Variants in CBFA2T3 observed in about 807,000 individuals in gnomAD.
The protein encoded by CBFA2T3 is transcriptional corepressor CBFA2T3.
In CBFA2T3, 31 loss-of-function variants were observed where a neutral mutation model predicts 58.6. The observed-to-expected ratio is 0.53, with a 90% confidence interval of 0.40 to 0.71. The LOEUF (loss-of-function observed/expected upper bound fraction) is 0.71. Ranked by LOEUF, CBFA2T3 falls within the 30% of genes least tolerant of loss-of-function variation. The pLI, the probability that CBFA2T3 is intolerant of heterozygous loss-of-function variation, is 0.00. For missense variants in CBFA2T3, 1,076 were observed against 963.1 expected (o/e 1.12, Z -1.55); for synonymous variants, 531 against 421.9 (o/e 1.26, Z -3.17).
intron 1 of CBFA2T3, among the ~76,000 whole-genome samples, chr16:88,904,826 C>T (rs1970241295): frequency 6.6e-6 from 1 of 152,212 alleles, no homozygotes; most frequent in African/African-American, 2.4e-5. Flanking sequence ...GCCTCTTCCC[C>T]TCTCTGAGCC....
At chr16:88,935,550 G>T (rs933964511) in intron 1 of CBFA2T3, among the ~76,000 whole-genome samples, 3 of 152,216 alleles carry the variant, frequency 2.0e-5, no homozygotes, top group African/African-American at 4.8e-5. Context: ...GGGGCCCAGG[G>T]CTTGGCCCCA....
intron 1 of CBFA2T3, among the ~76,000 whole-genome samples, chr16:88,918,968 G>A (rs372668604): frequency 1.3e-4 from 20 of 152,348 alleles, no homozygotes; most frequent in East Asian, 7.7e-4. Flanking sequence ...AAAGACCTGT[G>A]CTGACATTCT....
In CBFA2T3 at chr16:88,977,160, C is replaced by T. The variant is rs1340301845; in HGVS notation, c.-353G>A. 3.4e-6 allele frequency: 1 copy of T among 297,546 alleles called. No individual in the cohort carries two copies. Among genetic ancestry groups the T allele is most frequent in the Non-Finnish European group, 6.4e-6 (1 of 156,878 alleles). 18.4% of individuals were successfully genotyped at this position (297,546 alleles called of 1,614,324 possible). A position where few individuals can be genotyped will look rare whatever the true frequency, so the allele number is the denominator to read the frequency against. ...CGCCCGCCACTTCCCTGACAGGAAC[C>T]ATCTGGGGCCCTGCCCTGCGCGGCC... is the stretch of plus-strand genomic sequence containing the variant. On this transcript the variant is annotated 5_prime_UTR_variant, in exon 1 of 12. The change abolishes an upstream ATG in the 5' untranslated region. Coordinates refer to ENST00000268679, the MANE Select transcript of CBFA2T3 (RefSeq NM_005187.6).
chr16:88,925,015 C>G (rs909235189), intron 1 of CBFA2T3, among the ~76,000 whole-genome samples: 1 of 152,254 alleles, frequency 6.6e-6, no homozygotes, highest in Non-Finnish European at 1.5e-5. Context: ...AAGCCCAGGG[C>G]TTGCTGTGTC....
At chr16:88,932,320 C>T (rs925158264) in intron 1 of CBFA2T3, among the ~76,000 whole-genome samples, 2 of 151,574 alleles carry the variant, frequency 1.3e-5, no homozygotes, top group African/African-American at 4.9e-5. Context: ...GCCGCCCTGG[C>T]GCTGGACTCA....
Position 88,977,004 on chromosome 16 carries a change from T to G in CBFA2T3, c.-197A>C. 1 of 527,450 alleles carries G rather than the reference T, an allele frequency of 1.9e-6. No homozygotes were observed. The allele number at this position is 527,450 out of a possible 1,614,324, so 32.7% of individuals were successfully genotyped here. The stretch of plus-strand genomic sequence containing the variant: ...GGTGTCCTCTGCCCTGGGGAGGGGG[T>G]GGGAGCCCTGGGGCTCATGTGACGC... On this transcript the variant is annotated 5_prime_UTR_variant, in exon 1 of 12. Coordinates refer to ENST00000268679, the MANE Select transcript of CBFA2T3 (RefSeq NM_005187.6).
chr16:88,894,681 C>T (rs991499263), intron 3 of CBFA2T3, among the ~76,000 whole-genome samples: 1 of 152,244 alleles, frequency 6.6e-6, no homozygotes, highest in Non-Finnish European at 1.5e-5. Context: ...CCCCAAGTGC[C>T]CCTCTCCAGG....
intron 3 of CBFA2T3, among the ~76,000 whole-genome samples, chr16:88,896,903 G>A (rs1240845599): frequency 4.6e-5 from 7 of 152,242 alleles, no homozygotes; most frequent in African/African-American, 1.4e-4. Context: ...CTCCCGCGCT[G>A]CTGGGCAGTC....
At chr16:88,895,458 G>A (rs1048966982) in intron 3 of CBFA2T3, among the ~76,000 whole-genome samples, 1 of 152,224 alleles carries the variant, frequency 6.6e-6, no homozygotes, top group Non-Finnish European at 1.5e-5. Flanking sequence ...ATCCCATGCG[G>A]CAAATGGGCT....
intron 1 of CBFA2T3, among the ~76,000 whole-genome samples, chr16:88,924,896 C>T (rs1971035927): frequency 6.6e-6 from 1 of 152,244 alleles, no homozygotes; most frequent in African/African-American, 2.4e-5. Flanking sequence ...ACTGAGTGCT[C>T]TCTCCACCAA....
chr16:88,882,617 TGTGCGTGGCTGTGCGC>T, intron 8 of CBFA2T3, 43 bp downstream of exon 8: 1 of 1,060,348 alleles, frequency 9.4e-7, no homozygotes, highest in Non-Finnish European at 1.4e-6. Flanking sequence ...TGGCTGTGTG[TGTGCGTGGCTGTGCGC>T]CTGGGCATGG....
chr16:88,975,047 CA>C, intron 1 of CBFA2T3, among the ~76,000 whole-genome samples: 1 of 137,924 alleles, frequency 7.3e-6, no homozygotes, highest in Non-Finnish European at 1.6e-5. Context: ...TCCCTCCTCA[CA>C]TTGCAGCCCC....
chr16:88,933,160 T>C (rs1971374818), intron 1 of CBFA2T3, among the ~76,000 whole-genome samples: 1 of 152,228 alleles, frequency 6.6e-6, no homozygotes, highest in African/African-American at 2.4e-5. Context: ...CTTTGCCCTG[T>C]GGCCCCGGCC....
At position 88,953,127 on chromosome 16, in the gene CBFA2T3, C is replaced by T. The variant is rs974819732; in HGVS notation, c.151+23530G>A. On this transcript the variant is annotated intron_variant, in intron 1 of 11. Coordinates refer to ENST00000268679, the MANE Select transcript of CBFA2T3 (RefSeq NM_005187.6). The surrounding 1 kb of genome is among the most constrained non-coding windows in gnomAD (Gnocchi z 4.9). ...TTAGATCGGCCCCCAGTCCTGCTGG[C>T]CCCAGCGATGACAGAGGAGGAGGAA... Among the ~76,000 whole-genome samples the T allele has an allele frequency of 3.9e-5, 6 of 152,308 alleles. No homozygotes were observed. Among genetic ancestry groups the T allele is most frequent in the African/African-American group, 1.2e-4 (5 of 41,554 alleles).
chr16:88,907,469 G>A (rs80199449), intron 1 of CBFA2T3, among the ~76,000 whole-genome samples: 2,024 of 152,344 alleles, frequency 0.013, 45 homozygotes, highest in African/African-American at 0.047. Flanking sequence ...GGGCTCTGAC[G>A]CCCGGAGGGG....
chr16:88,901,652 T>C lies in CBFA2T3; in HGVS notation c.156A>G (p.Pro52=). The C allele has an allele frequency of 6.5e-7, 1 of 1,528,122 alleles. No individual in the cohort carries two copies. Among genetic ancestry groups the C allele is most frequent in the Non-Finnish European group, 8.7e-7 (1 of 1,149,602 alleles). The allele number at this position is 1,528,122 out of a possible 1,614,324, so 94.7% of individuals were successfully genotyped here. Reference sequence around the variant, plus strand: ...CTGAGGCCTTAGCTTTCCTGTCCACTGGGGCTGCGACCAACGGAGAAAGAA... The same window carrying C: ...CTGAGGCCTTAGCTTTCCTGTCCACCGGGGCTGCGACCAACGGAGAAAGAA... ...PRGPRKGGPA[P]VDRKAKASAM... The change falls in exon 2 of 12, where the codon CCA becomes CCG. Residue 52 remains proline (P), a synonymous_variant. Coordinates refer to ENST00000268679, the MANE Select transcript of CBFA2T3 (RefSeq NM_005187.6).
chr16:88,949,451 C>T (rs762928642), intron 1 of CBFA2T3, among the ~76,000 whole-genome samples: 3 of 151,184 alleles, frequency 2.0e-5, no homozygotes, highest in South Asian at 2.1e-4. Flanking sequence ...CCCAGCTATT[C>T]GGGAGGCTGA....
chr16:88,879,007 T>C (rs1968953937), intron 11 of CBFA2T3, among the ~76,000 whole-genome samples: 1 of 152,210 alleles, frequency 6.6e-6, no homozygotes. Context: ...CCCAAGGCCG[T>C]GACCTCAGAC....
chr16:88,885,930 C>T lies in CBFA2T3; in HGVS notation c.893+31G>A, dbSNP rs1261254727. On this transcript the variant is annotated intron_variant, in intron 6 of 11. Transcript: ENST00000268679. This position sits in a 1 kb window ranked among gnomAD's most constrained non-coding sequence, Gnocchi z 5.3. ...GGGTGAGCCGCGTGTCCACGGCACC[C>T]CCAGCCCAGATCCCCGGAGCCCACA... The T allele has an allele frequency of 1.3e-6, 2 of 1,541,886 alleles. No homozygotes were observed. Among genetic ancestry groups the T allele is most frequent in the East Asian group, 2.4e-5 (1 of 40,884 alleles).
Sources: gnomAD v4.1 joint callset for allele counts (sites outside exome capture counted in the v4.1 genomes callset) on GRCh38, gnomAD v4.1.1 for gene constraint, Gnocchi (gnomAD v3.1) non-coding constraint, MANE v1.5 for transcripts, NCBI Gene and HGNC (gene_info 2026-07-23, HGNC 2026-07-21) for gene names.